CNTNAP2: variants seen among roughly 807,000 people sequenced by gnomAD.
CNTNAP2 encodes the protein contactin-associated protein-like 2.
Under a neutral mutation model 155.2 loss-of-function variants are expected in CNTNAP2, and 98 were observed. That is an observed-to-expected ratio of 0.63 (90% CI 0.54 to 0.75). CNTNAP2 has a LOEUF of 0.75. Among genes scored for constraint, CNTNAP2 ranks in the 30% least tolerant of loss-of-function variants. CNTNAP2 has a pLI of 0.00. For missense variants in CNTNAP2, 1,727 were observed against 1,688.1 expected (o/e 1.02, Z -0.40); for synonymous variants, 651 against 631.2 (o/e 1.03, Z -0.47).
chr7:147,260,826 T>G (rs1804447943), intron 8 of CNTNAP2, among the ~76,000 whole-genome samples: 1 of 152,202 alleles, frequency 6.6e-6, no homozygotes, highest in Non-Finnish European at 1.5e-5. Flanking sequence ...TGATAGTGAT[T>G]CTCAAAATGT....
intron 1 of CNTNAP2, among the ~76,000 whole-genome samples, chr7:146,548,413 TG>T (rs2129142237): frequency 6.6e-6 from 1 of 152,150 alleles, no homozygotes; most frequent in Non-Finnish European, 1.5e-5. Flanking sequence ...TTGTGAATAG[TG>T]CTGCAAAGAA....
chr7:147,320,245 A>G (rs1271395487), intron 9 of CNTNAP2, among the ~76,000 whole-genome samples: 1 of 152,200 alleles, frequency 6.6e-6, no homozygotes, highest in Non-Finnish European at 1.5e-5. Context: ...AAAGATGCTG[A>G]AGATATTTCT....
chr7:147,269,803 T>C (rs1804699227), intron 8 of CNTNAP2, among the ~76,000 whole-genome samples: 1 of 152,118 alleles, frequency 6.6e-6, no homozygotes, highest in African/African-American at 2.4e-5. Context: ...CCTGTAATCC[T>C]AGCTACTTGG....
chr7:147,421,739 C>T (rs1277462912), intron 10 of CNTNAP2, among the ~76,000 whole-genome samples: 1 of 151,980 alleles, frequency 6.6e-6, no homozygotes, highest in Admixed American at 6.6e-5. Flanking sequence ...GTGTTTGGGT[C>T]ACGGGGGTGG....
intron 4 of CNTNAP2, among the ~76,000 whole-genome samples, chr7:147,055,714 C>T (rs1258692373): frequency 3.9e-5 from 6 of 152,088 alleles, no homozygotes; most frequent in Non-Finnish European, 7.4e-5. Flanking sequence ...GAGTGGTCTT[C>T]CCCCTGGTTC....
intron 13 of CNTNAP2, among the ~76,000 whole-genome samples, chr7:147,774,582 A>G (rs1270957333): frequency 1.3e-5 from 2 of 152,086 alleles, no homozygotes; most frequent in Non-Finnish European, 2.9e-5. Flanking sequence ...AAGGGTAGGG[A>G]CCTGATCTGC....
chr7:146,476,347 A>G (rs910067913), intron 1 of CNTNAP2, among the ~76,000 whole-genome samples: 9 of 152,338 alleles, frequency 5.9e-5, no homozygotes, highest in Non-Finnish European at 1.0e-4. Context: ...AACAAAAGGA[A>G]AATTATACAC....
intron 3 of CNTNAP2, among the ~76,000 whole-genome samples, chr7:146,947,241 A>G (rs888382041): frequency 2.6e-5 from 4 of 151,644 alleles, no homozygotes; most frequent in Admixed American, 1.3e-4. Flanking sequence ...ATTCTGCTAA[A>G]GTGGTGGTGT....
At chr7:146,256,687 A>G (rs1799843151) in intron 1 of CNTNAP2, among the ~76,000 whole-genome samples, 1 of 152,110 alleles carries the variant, frequency 6.6e-6, no homozygotes, top group African/African-American at 2.4e-5. Context: ...ATAATTTAAG[A>G]AAACCTCTTA....
At chr7:147,189,010 A>T (rs1363552825) in intron 8 of CNTNAP2, among the ~76,000 whole-genome samples, 1 of 152,166 alleles carries the variant, frequency 6.6e-6, no homozygotes, top group South Asian at 2.1e-4. Context: ...TCCTCAGGTG[A>T]ACTCATTTGC....
At chr7:147,971,589 G>T (rs1801335705) in intron 14 of CNTNAP2, among the ~76,000 whole-genome samples, 1 of 152,040 alleles carries the variant, frequency 6.6e-6, no homozygotes, top group Admixed American at 6.6e-5. Flanking sequence ...TTAGCATAAG[G>T]TTTTTGAGGT....
chr7:148,129,194 C>A (rs1025230977), intron 16 of CNTNAP2, among the ~76,000 whole-genome samples: 2 of 152,108 alleles, frequency 1.3e-5, no homozygotes, highest in Non-Finnish European at 2.9e-5. Context: ...ATCTGGTGTC[C>A]TTAGACTCTC....
At chr7:148,289,399 C>T (rs1266729847) in intron 21 of CNTNAP2, among the ~76,000 whole-genome samples, 4 of 152,164 alleles carry the variant, frequency 2.6e-5, no homozygotes, top group Non-Finnish European at 5.9e-5. Flanking sequence ...TACACAGATA[C>T]TGTCTTGATG....
intron 3 of CNTNAP2, among the ~76,000 whole-genome samples, chr7:147,014,601 T>C (rs1430588138): frequency 6.6e-6 from 1 of 152,174 alleles, no homozygotes; most frequent in Non-Finnish European, 1.5e-5. Flanking sequence ...TTTAACATAA[T>C]GTTCAAATCC....
chr7:147,132,200 ATTTTATTCTGTG>A, intron 7 of CNTNAP2, 33 bp from the exon 8 acceptor site: 3 of 1,611,286 alleles, frequency 1.9e-6, no homozygotes, highest in Non-Finnish European at 2.5e-6. Context: ...ATGGATGTTC[ATTTTATTCTGTG>A]TTTTCCTCAG....
In CNTNAP2 at chr7:148,228,827, C is replaced by CAAA. The variant is rs10657103; in HGVS notation, c.3248-805_3248-803dup. On this transcript the variant is annotated intron_variant, in intron 19 of 23. Coordinates refer to ENST00000361727, the MANE Select transcript of CNTNAP2 (RefSeq NM_014141.6). ...TGGGCGACAGAGCGAGACTCTGTTT[C>CAAA]AAAAAAAAAAAAAAAACTATGTTTA... is the stretch of plus-strand genomic sequence containing the variant. Among the ~76,000 whole-genome samples the CAAA allele has an allele frequency of 6.1e-3, 719 of 118,690 alleles. 25 individuals carry two copies. Among genetic ancestry groups the CAAA allele is most frequent in the African/African-American group, 0.022 (664 of 30,544 alleles). The allele number at this position is 118,690 out of a possible 152,430, so 77.9% of individuals were successfully genotyped here. A position where few individuals can be genotyped will look rare whatever the true frequency, so the allele number is the denominator to read the frequency against.
intron 13 of CNTNAP2, among the ~76,000 whole-genome samples, chr7:147,728,912 GA>G (rs1796689247): frequency 6.6e-6 from 1 of 151,090 alleles, no homozygotes; most frequent in South Asian, 2.1e-4. Flanking sequence ...TGAATGGGTG[GA>G]AAAATGCTAA....
chr7:148,328,237 C>T (rs1314560880), intron 21 of CNTNAP2, among the ~76,000 whole-genome samples: 2 of 152,066 alleles, frequency 1.3e-5, no homozygotes, highest in Non-Finnish European at 2.9e-5. Flanking sequence ...GAGGGGAAGG[C>T]TGGGGTGTGC....
intron 13 of CNTNAP2, among the ~76,000 whole-genome samples, chr7:147,652,958 C>T (rs181843509): frequency 1.8e-4 from 27 of 152,154 alleles, no homozygotes; most frequent in African/African-American, 6.3e-4. Context: ...AAAAATCCTA[C>T]CTTTTTATGT....
Sources: gnomAD v4.1 joint callset for allele counts (sites outside exome capture counted in the v4.1 genomes callset) on GRCh38, gnomAD v4.1.1 for gene constraint, MANE v1.5 for transcripts, NCBI Gene and HGNC (gene_info 2026-07-23, HGNC 2026-07-21) for gene names.